Variants in ZNF280D observed in about 807,000 individuals in gnomAD.
ZNF280D encodes suppressor of hairy wing homolog 4.
A neutral mutation model predicts 94.7 loss-of-function variants in ZNF280D; 39 were observed. That is an observed-to-expected ratio of 0.41 (90% CI 0.32 to 0.54). The LOEUF (loss-of-function observed/expected upper bound fraction) is 0.54, where lower values mean the gene tolerates loss of function less well. Ranked by LOEUF, ZNF280D falls within the 20% of genes least tolerant of loss-of-function variation. ZNF280D has a pLI of 0.22. For synonymous variants in ZNF280D, 398 were observed against 377.6 expected, an observed-to-expected ratio of 1.05 and a Z score of -0.63; for missense variants, 1,090 against 1,149.3, an observed-to-expected ratio of 0.95 and a Z score of 0.75.
chr15:56,643,874 T>C (rs1214677557), intron 19 of ZNF280D, among the ~76,000 whole-genome samples: 4 of 151,832 alleles, frequency 2.6e-5, no homozygotes, highest in African/African-American at 9.7e-5. Flanking sequence ...GCAGCAACTA[T>C]ATTATCTTAA....
chr15:56,713,809 C>G (rs1388611357), intron 1 of ZNF280D, among the ~76,000 whole-genome samples: 2 of 152,108 alleles, frequency 1.3e-5, no homozygotes, highest in African/African-American at 4.8e-5. Context: ...TGTACATCCC[C>G]TTACTATCCA....
chr15:56,726,023 G>A (rs1435387582), intron 1 of ZNF280D, among the ~76,000 whole-genome samples: 6 of 151,720 alleles, frequency 4.0e-5, no homozygotes, highest in Non-Finnish European at 5.9e-5. Flanking sequence ...TAAATACAAC[G>A]TTGGCCTGAT....
At chr15:56,694,274 A>G (rs1182164820) in intron 6 of ZNF280D, among the ~76,000 whole-genome samples, 5 of 149,158 alleles carry the variant, frequency 3.4e-5, no homozygotes, top group Admixed American at 6.9e-5. Flanking sequence ...ATATTATTAT[A>G]CATTAAATAT....
chr15:56,681,699 T>C (rs933944387), intron 10 of ZNF280D, among the ~76,000 whole-genome samples: 40 of 152,142 alleles, frequency 2.6e-4, no homozygotes, highest in African/African-American at 9.4e-4. Context: ...AAAGCATTCA[T>C]ATATTCCACT....
chr15:56,669,054 T>A (rs1200304412), intron 13 of ZNF280D, 97 bp from the exon 14 acceptor site: 13 of 1,174,702 alleles, frequency 1.1e-5, no homozygotes, highest in African/African-American at 1.6e-5. Context: ...GATACCTAAA[T>A]AATGTAAAAA....
intron 21 of ZNF280D, among the ~76,000 whole-genome samples, chr15:56,633,292 T>C (rs1016181972): frequency 1.3e-4 from 20 of 152,282 alleles, no homozygotes; most frequent in African/African-American, 4.8e-4. Flanking sequence ...TACTGATTTG[T>C]CTTTAGACTA....
intron 10 of ZNF280D, 46 bp downstream of exon 10, chr15:56,682,208 G>A: frequency 7.6e-7 from 1 of 1,315,902 alleles, no homozygotes; most frequent in South Asian, 1.4e-5. Context: ...ATTTTTATTT[G>A]CAGCATTTCA....
Position 56,677,582 on chromosome 15 carries a change from C to A in ZNF280D, c.1255G>T (p.Val419Phe). 6.2e-7 allele frequency: 1 copy of A among 1,601,940 alleles called. No individual in the cohort carries two copies. The highest frequency in any genetic ancestry group is 8.5e-7 in the Non-Finnish European group (1 of 1,170,280). The change falls in exon 12 of 22, where the codon GTC (valine) becomes TTC (phenylalanine). Residue 419 changes from valine (V) to phenylalanine (F), a missense_variant. By Grantham distance (50) the Val-to-Phe change is conservative. Around this residue, in one of 3 missense-constraint regions of ZNF280D, gnomAD observed 127 missense variants for 208.6 expected, o/e 0.61. Transcript: ENST00000267807. ...DNHKPGEMPYVCQVCNYRSSS... is the reference protein window; with the variant it reads ...DNHKPGEMPYFCQVCNYRSSS... ...ATAAAATGTATGTGTACCTGGCAGACATATGGCATTTCACCAGGTTTATGA... is the reference window on the plus strand; with the variant it reads ...ATAAAATGTATGTGTACCTGGCAGAAATATGGCATTTCACCAGGTTTATGA...
In ZNF280D at chr15:56,704,150, T is replaced by C; in HGVS notation, c.146A>G (p.Glu49Gly). The C allele has an allele frequency of 1.2e-6, 2 of 1,613,822 alleles. No individual in the cohort carries two copies. Among genetic ancestry groups the C allele is most frequent in the Non-Finnish European group, 1.7e-6 (2 of 1,179,928 alleles). Residue 49 changes from glutamate (E) to glycine (G), a missense_variant, in exon 4 of 22, where the codon GAG (glutamate) becomes GGG (glycine). Physicochemically the swap from Glu to Gly is moderately conservative, Grantham distance 98. Around this residue, in one of 3 missense-constraint regions of ZNF280D, gnomAD observed 386 missense variants for 372.0 expected, o/e 1.04. Coordinates refer to ENST00000267807, the MANE Select transcript of ZNF280D (RefSeq NM_017661.4). Reference protein sequence around the residue: ...DDDDEPIFVGEISSSKPAISN... With the variant: ...DDDDEPIFVGGISSSKPAISN... ...AATTGCTGGTTTTGAACTTGATATC[T>C]CGCCAACAAAGATTGGCTCATCATC...
chr15:56,646,931 A>T (rs559336325), intron 19 of ZNF280D, among the ~76,000 whole-genome samples: 86 of 152,306 alleles, frequency 5.6e-4, no homozygotes, highest in African/African-American at 2.0e-3. Flanking sequence ...AGAAAGTATG[A>T]AAAAGCAAAG....
At chr15:56,658,344 C>T in intron 17 of ZNF280D, 80 bp downstream of exon 17, 1 of 977,990 alleles carries the variant, frequency 1.0e-6, no homozygotes, top group East Asian at 2.5e-5. Context: ...AATTCTACCT[C>T]AATAAAGCTG....
chr15:56,689,713 T>C (rs2141071831), intron 7 of ZNF280D, among the ~76,000 whole-genome samples: 1 of 151,798 alleles, frequency 6.6e-6, no homozygotes, highest in Admixed American at 6.6e-5. Flanking sequence ...AAATTCTAAA[T>C]ATGGCTTCAA....
intron 4 of ZNF280D, among the ~76,000 whole-genome samples, chr15:56,703,573 G>C (rs1410023913): frequency 6.6e-6 from 1 of 152,152 alleles, no homozygotes; most frequent in African/African-American, 2.4e-5. Context: ...GTTACTTAAG[G>C]CTAGGTGCAG....
rs11638791 is a variant in ZNF280D at position 56,706,415 on chromosome 15, T to C, written c.28+667A>G. On this transcript the variant is annotated intron_variant, in intron 3 of 21. Transcript: ENST00000267807. ...ATCACTTGAGCCCAGGAAGAGGAGG[T>C]TGCAATGAGCCGAGGTCATGCCACT... Among the ~76,000 whole-genome samples, 253 of 150,536 alleles carry C rather than the reference T, an allele frequency of 1.7e-3. 4 individuals are homozygous for C. Among genetic ancestry groups the C allele is most frequent in the Non-Finnish European group, 2.6e-3 (178 of 67,552 alleles).
In ZNF280D at chr15:56,655,116, C is replaced by T. The variant is rs574098463; in HGVS notation, c.2058-613G>A. On this transcript the variant is annotated intron_variant, in intron 17 of 21. Coordinates refer to ENST00000267807, the MANE Select transcript of ZNF280D (RefSeq NM_017661.4). ...CATTTATTATTTCATCTGATTCTCACTACAACCATCAAGGTTGGTATTATT... is the reference window on the plus strand; with the variant it reads ...CATTTATTATTTCATCTGATTCTCATTACAACCATCAAGGTTGGTATTATT... 4.6e-5 allele frequency among the ~76,000 whole-genome samples: 7 copies of T among 152,350 alleles called. No homozygotes were observed. The South Asian group carries it at 1.4e-3, about 32-fold the overall frequency.
At chr15:56,704,749 G>A (rs2057299254) in intron 3 of ZNF280D, among the ~76,000 whole-genome samples, 1 of 152,166 alleles carries the variant, frequency 6.6e-6, no homozygotes, top group Admixed American at 6.5e-5. Flanking sequence ...GGGAAGCCGA[G>A]ACAGACAGAT....
At chr15:56,695,271 TCAG>T (rs2056677815) in intron 6 of ZNF280D, among the ~76,000 whole-genome samples, 1 of 151,798 alleles carries the variant, frequency 6.6e-6, no homozygotes, top group African/African-American at 2.4e-5. Flanking sequence ...CAGGGTTTCA[TCAG>T]ATTGGTCAGG....
Position 56,631,743 on chromosome 15 carries a change from T to G in ZNF280D, c.2695A>C (p.Lys899Gln). Reference sequence around the variant, plus strand: ...CTAACAGATTCAGGTTCATGTCTTTTTCTCAAAAACTGATCAATGCTTACA... The same window carrying G: ...CTAACAGATTCAGGTTCATGTCTTTGTCTCAAAAACTGATCAATGCTTACA... ...DNVSIDQFLRKRHEPESVSSD... is the reference protein window; with the variant it reads ...DNVSIDQFLRQRHEPESVSSD... The change falls in exon 22 of 22, where the codon AAA becomes CAA. Residue 899 changes from lysine to glutamine, a missense_variant. Physicochemically the swap from Lys to Gln is moderately conservative, Grantham distance 53. This residue lies in a region of ZNF280D where 577 missense variants were observed against 568.8 expected (regional missense o/e 1.01). Coordinates refer to ENST00000267807, the MANE Select transcript of ZNF280D (RefSeq NM_017661.4). 1 of 1,614,164 alleles carries G rather than the reference T, an allele frequency of 6.2e-7. No homozygotes were observed. The highest frequency in any genetic ancestry group is 8.5e-7 in the Non-Finnish European group (1 of 1,180,010).
chr15:56,636,711 T>C (rs2052373130), intron 20 of ZNF280D, among the ~76,000 whole-genome samples: 1 of 152,114 alleles, frequency 6.6e-6, no homozygotes, highest in South Asian at 2.1e-4. Flanking sequence ...CTCAGACTCC[T>C]GACCTCAGGT....
Sources: gnomAD v4.1 joint callset for allele counts (sites outside exome capture counted in the v4.1 genomes callset) on GRCh38, gnomAD v4.1.1 for gene constraint, gnomAD v4.1.1 regional missense constraint, MANE v1.5 for transcripts, NCBI Gene and HGNC (gene_info 2026-07-23, HGNC 2026-07-21) for gene names.